Variants in FSIP2 observed in about 807,000 individuals in gnomAD.
FSIP2 encodes the protein fibrous sheath-interacting protein 2.
FSIP2 carries 367 observed loss-of-function variants against 510.5 expected under a neutral mutation model. The observed-to-expected ratio is 0.72, with a 90% confidence interval of 0.66 to 0.78. FSIP2 has a LOEUF of 0.78. FSIP2 is among the 30% of genes least tolerant of loss of function. The pLI is 0.00. For synonymous variants in FSIP2, 2,601 were observed against 2,732.2 expected (o/e 0.95, Z 1.50); for missense variants, 7,594 against 7,901.7 (o/e 0.96, Z 1.48).
rs2105625615 is a variant in FSIP2, at chr2:185,795,801, G to C, written c.8665G>C (p.Glu2889Gln). ...TTCACTTTTAAATTTGCCCCCTCTT[G>C]AGAATTGTGAAAGCAGGTTTTATAA... The part of the protein sequence containing the change: ...SLSLLNLPPL[E>Q]NCESRFYNHF... The change falls in exon 16 of 23, where the codon GAG becomes CAG. Residue 2889 changes from glutamate (E) to glutamine (Q), a missense_variant. Physicochemically the swap from Glu to Gln is conservative, Grantham distance 29. Coordinates refer to ENST00000424728, the MANE Select transcript of FSIP2 (RefSeq NM_173651.4). 4.6e-6 allele frequency: 7 copies of C among 1,533,952 alleles called. No homozygotes were observed. Among genetic ancestry groups the C allele is most frequent in the Non-Finnish European group, 5.2e-6 (6 of 1,145,300 alleles).
rs1030857154 is a variant in FSIP2 at position 185,803,558 on chromosome 2, T to C, written c.14252T>C (p.Leu4751Pro). 5.2e-6 allele frequency: 8 copies of C among 1,532,974 alleles called. No homozygotes were observed. The African/African-American group carries it at 6.9e-5, about 13-fold the overall frequency. The allele number at this position is 1,532,974 out of a possible 1,614,324, so 95.0% of individuals were successfully genotyped here. ...FQIHPDLIAN[L>P]PFKSHSKLSA... The stretch of plus-strand genomic sequence containing the variant: ...ATTCATCCAGATCTTATAGCAAATC[T>C]GCCTTTTAAATCACATTCCAAACTC... Residue 4751 changes from leucine to proline, a missense_variant, in exon 17 of 23, where the codon CTG (leucine) becomes CCG (proline). Leu to Pro is a moderately conservative substitution (Grantham distance 98). Coordinates refer to ENST00000424728, the MANE Select transcript of FSIP2 (RefSeq NM_173651.4).
At chr2:185,764,954 A>C (rs901147952) in intron 13 of FSIP2, 1 of 156,590 alleles carries the variant, frequency 6.4e-6, no homozygotes, top group African/African-American at 2.4e-5. Context: ...TTTGCAAAAA[A>C]ATTAAAGTTT....
At chr2:185,815,215 C>G (rs2287607) in intron 18 of FSIP2, among the ~76,000 whole-genome samples, 156 bp from the exon 19 acceptor site, 16,920 of 151,930 alleles carry the variant, frequency 0.11, 988 homozygotes, top group Middle Eastern at 0.14. Flanking sequence ...TTGGAAGACA[C>G]CTTTTAATTA....
In FSIP2 at chr2:185,745,435, C is replaced by G; in HGVS notation, c.484C>G (p.Leu162Val). 1 of 1,527,084 alleles carries G rather than the reference C, an allele frequency of 6.5e-7. No individual in the cohort carries two copies. Among genetic ancestry groups the G allele is most frequent in the Non-Finnish European group, 8.8e-7 (1 of 1,140,102 alleles). The allele number at this position is 1,527,084 out of a possible 1,614,324, so 94.6% of individuals were successfully genotyped here. A position where few individuals can be genotyped will look rare whatever the true frequency, so the allele number is the denominator to read the frequency against. The change falls in exon 5 of 23, where the codon CTT (leucine) becomes GTT (valine). Residue 162 changes from leucine to valine, a missense_variant. By Grantham distance (32) the Leu-to-Val change is conservative (BLOSUM62 1). Coordinates refer to ENST00000424728, the MANE Select transcript of FSIP2 (RefSeq NM_173651.4). ...ERNYIKEQRI[L>V]AKQLHNIPEN... ...ACACACATTTCTTAAATAGAGAATA[C>G]TTGCAAAACAACTACATAACATACC...
rs1693617610 is a variant in FSIP2 at position 185,807,627 on chromosome 2, C to T, written c.18321C>T (p.Thr6107=). Residue 6107 remains threonine (T), a synonymous_variant, in exon 17 of 23, where the codon ACC becomes ACT. Transcript: ENST00000424728. ...GSQEIIQNCV[T]SGCKILSENI... Reference sequence around the variant, plus strand: ...AAGAGATTATACAAAATTGTGTAACCAGTGGATGCAAAATCCTTTCAGAAA... The same window carrying T: ...AAGAGATTATACAAAATTGTGTAACTAGTGGATGCAAAATCCTTTCAGAAA... 6.2e-7 allele frequency: 1 copy of T among 1,612,878 alleles called. No individual in the cohort carries two copies. Among genetic ancestry groups the T allele is most frequent in the Non-Finnish European group, 8.5e-7 (1 of 1,179,292 alleles).
Position 185,797,264 on chromosome 2 carries a change from T to C in FSIP2, c.10128T>C (p.Asp3376=). Residue 3376 remains aspartate, a synonymous_variant, in exon 16 of 23, where the codon GAT becomes GAC. Coordinates refer to ENST00000424728, the MANE Select transcript of FSIP2 (RefSeq NM_173651.4). ...CTGAAGTATCTGGAGGGCAAAAGGA[T>C]AACGAAAAAAGTTTGCTTAGAATGC... ...SLSEVSGGQK[D]NEKSLLRMQD... is the part of the protein sequence containing the mutation. 6.5e-7 allele frequency: 1 copy of C among 1,533,628 alleles called. No individual in the cohort carries two copies. The highest frequency in any genetic ancestry group is 8.7e-7 in the Non-Finnish European group (1 of 1,145,876).
Position 185,806,561 on chromosome 2 carries a change from G to A in FSIP2, c.17255G>A (p.Arg5752Lys), listed in dbSNP as rs1693584130. 4 of 1,603,580 alleles carry A rather than the reference G, an allele frequency of 2.5e-6. No individual in the cohort carries two copies. Among genetic ancestry groups the A allele is most frequent in the African/African-American group, 1.4e-5 (1 of 73,994 alleles). ...ISAKEKEEEE[R>K]EKEKVREEIK... ...GCCAAAGAAAAAGAAGAGGAAGAGA[G>A]AGAAAAAGAGAAAGTAAGAGAGGAG... Residue 5752 changes from arginine (R) to lysine (K), a missense_variant, in exon 17 of 23, where the codon AGA becomes AAA. By Grantham distance (26) the Arg-to-Lys change is conservative. Transcript: ENST00000424728.
Position 185,756,206 on chromosome 2 carries a change from A to G in FSIP2, c.1006A>G (p.Lys336Glu), listed in dbSNP as rs1692242886. Reference sequence around the variant, plus strand: ...ATTTCTTTAAGCTTCTCCAAAGAATAAAAAGAAGACTTCTGAAGATATAAT... The same window carrying G: ...ATTTCTTTAAGCTTCTCCAAAGAATGAAAAGAAGACTTCTGAAGATATAAT... ...QDGTHASPKNKKKTSEDIMLV... is the reference protein window; with the variant it reads ...QDGTHASPKNEKKTSEDIMLV... The change falls in exon 9 of 23, where the codon AAA becomes GAA. Residue 336 changes from lysine to glutamate, a missense_variant. Lys to Glu is a moderately conservative substitution (Grantham distance 56, BLOSUM62 1). Coordinates refer to ENST00000424728, the MANE Select transcript of FSIP2 (RefSeq NM_173651.4). The G allele has an allele frequency of 2.3e-6, 3 of 1,288,996 alleles. No individual in the cohort carries two copies. Among genetic ancestry groups the G allele is most frequent in the Non-Finnish European group, 3.2e-6 (3 of 944,714 alleles). 79.8% of individuals were successfully genotyped at this position (1,288,996 alleles called of 1,614,324 possible).
At chr2:185,770,414 C>G (rs1304227367) in intron 13 of FSIP2, among the ~76,000 whole-genome samples, 1 of 152,040 alleles carries the variant, frequency 6.6e-6, no homozygotes, top group Non-Finnish European at 1.5e-5. Context: ...CTGCTCAGGG[C>G]CTCAGGAAGC....
In FSIP2 at chr2:185,803,384, T is replaced by C. The variant is rs1048534793; in HGVS notation, c.14078T>C (p.Val4693Ala). The change falls in exon 17 of 23, where the codon GTA becomes GCA. Residue 4693 changes from valine (V) to alanine (A), a missense_variant. Transcript: ENST00000424728. ...RLCLPPVERD[V>A]VKTIVDMVYS... is the part of the protein sequence containing the mutation. ...TGTTTACCTCCAGTGGAGAGGGATG[T>C]AGTCAAAACAATTGTTGACATGGTG... 4 of 1,533,222 alleles carry C rather than the reference T, an allele frequency of 2.6e-6. No individual in the cohort carries two copies. Among genetic ancestry groups the C allele is most frequent in the Non-Finnish European group, 3.5e-6 (4 of 1,144,974 alleles). The allele number at this position is 1,533,222 out of a possible 1,614,324, so 95.0% of individuals were successfully genotyped here.
Position 185,789,074 on chromosome 2 carries a change from T to A in FSIP2, c.1938T>A (p.Asp646Glu). ...SYPKLRSCKS[D>E]SHLLASFETG... is the part of the protein sequence containing the mutation. ...CTAAGCTCAGAAGTTGTAAATCAGA[T>A]AGTCACCTTTTAGCATCATTTGAAA... is the stretch of plus-strand genomic sequence containing the variant. Residue 646 changes from aspartate (D) to glutamate (E), a missense_variant, in exon 16 of 23, where the codon GAT becomes GAA. Physicochemically the swap from Asp to Glu is conservative, Grantham distance 45. Transcript: ENST00000424728. 6.5e-7 allele frequency: 1 copy of A among 1,534,704 alleles called. No homozygotes were observed. The highest frequency in any genetic ancestry group is 8.7e-7 in the Non-Finnish European group (1 of 1,145,786).
At chr2:185,771,367 T>C (rs918462269) in intron 13 of FSIP2, among the ~76,000 whole-genome samples, 3 of 152,216 alleles carry the variant, frequency 2.0e-5, no homozygotes, top group Non-Finnish European at 4.4e-5. Flanking sequence ...CATCCTGCCT[T>C]TCTCATACAT....
intron 9 of FSIP2, among the ~76,000 whole-genome samples, chr2:185,757,645 A>G (rs1692268463): frequency 6.7e-6 from 1 of 148,376 alleles, no homozygotes; most frequent in African/African-American, 2.5e-5. Context: ...GTACAGTGTC[A>G]CATCCTCTAT....
Position 185,796,901 on chromosome 2 carries a change from T to TCAGACCATGA in FSIP2, c.9766_9775dup (p.Lys3259ThrfsTer7). On this transcript the variant is annotated frameshift_variant, in exon 16 of 23. Transcript: ENST00000424728. LOFTEE classifies it high-confidence loss of function. ...GGGAATCTAACTTTGGTAGTTTTGATCAGACCATGAAAGGAAATAGCTACC... is the reference window on the plus strand; with the variant it reads ...GGGAATCTAACTTTGGTAGTTTTGATCAGACCATGACAGACCATGAAAGGAAATAGCTACC... The TCAGACCATGA allele has an allele frequency of 6.5e-7, 1 of 1,535,066 alleles. No homozygotes were observed. Among genetic ancestry groups the TCAGACCATGA allele is most frequent in the Non-Finnish European group, 8.7e-7 (1 of 1,146,292 alleles).
At chr2:185,764,432 A>C in intron 12 of FSIP2, 70 bp from the exon 13 acceptor site, 1 of 787,014 alleles carries the variant, frequency 1.3e-6, no homozygotes, top group Non-Finnish European at 2.1e-6. Context: ...ATATAGAAAT[A>C]ATAGTTGATG....
chr2:185,792,953 C>T lies in FSIP2; in HGVS notation c.5817C>T (p.Leu1939=). 2 of 1,534,294 alleles carry T rather than the reference C, an allele frequency of 1.3e-6. No individual in the cohort carries two copies. Among genetic ancestry groups the T allele is most frequent in the Non-Finnish European group, 1.7e-6 (2 of 1,145,644 alleles). Residue 1939 remains leucine, a synonymous_variant, in exon 16 of 23, where the codon CTC becomes CTT. Transcript: ENST00000424728. ...TTGCTACTTCCAAAGTAAAATCTCT[C>T]TTTTATTCTCAAGTCAACTTTACAG... ...ETFATSKVKS[L]FYSQVNFTVP...
upstream of FSIP2, chr2:185,738,681 A>G (rs1218619321): frequency 3.3e-6 from 5 of 1,536,078 alleles, no homozygotes; most frequent in Admixed American, 9.8e-5. Context: ...CGATTTTCCC[A>G]GCTCTGCGGG....
chr2:185,790,353 C>G lies in FSIP2; in HGVS notation c.3217C>G (p.Pro1073Ala). 6.5e-7 allele frequency: 1 copy of G among 1,532,654 alleles called. No individual in the cohort carries two copies. Among genetic ancestry groups the G allele is most frequent in the Non-Finnish European group, 8.7e-7 (1 of 1,145,144 alleles). The allele number at this position is 1,532,654 out of a possible 1,614,324, so 94.9% of individuals were successfully genotyped here. Residue 1073 changes from proline (P) to alanine (A), a missense_variant, in exon 16 of 23, where the codon CCA (proline) becomes GCA (alanine). Pro to Ala is a conservative substitution (Grantham distance 27, BLOSUM62 -1). Transcript: ENST00000424728. The part of the protein sequence containing the change: ...FHDWELKTEP[P>A]STNHEDILKK... ...TGATTGGGAATTAAAGACTGAGCCA[C>G]CATCTACTAATCATGAAGATATTTT...
At chr2:185,761,401 A>C (rs953503504) in intron 10 of FSIP2, among the ~76,000 whole-genome samples, 8 of 151,212 alleles carry the variant, frequency 5.3e-5, no homozygotes, top group Non-Finnish European at 1.0e-4. Flanking sequence ...AGCTAGAATG[A>C]AGGAAAACAA....
Sources: gnomAD v4.1 joint callset for allele counts (sites outside exome capture counted in the v4.1 genomes callset) on GRCh38, gnomAD v4.1.1 for gene constraint, MANE v1.5 for transcripts, NCBI Gene and HGNC (gene_info 2026-07-23, HGNC 2026-07-21) for gene names.